KLHL1: variants seen among roughly 807,000 people sequenced by gnomAD.
KLHL1 encodes the protein kelch like family member 1, also known as kelch-like protein 1.
A neutral mutation model predicts 77.7 loss-of-function variants in KLHL1; 47 were observed. That is an observed-to-expected ratio of 0.60 (90% CI 0.48 to 0.77). The LOEUF (loss-of-function observed/expected upper bound fraction) is 0.77. Ranked by LOEUF, KLHL1 falls within the 30% of genes least tolerant of loss-of-function variation. The pLI is 0.00. For missense variants in KLHL1, 925 were observed against 910.8 expected, an observed-to-expected ratio of 1.02 and a Z score of -0.20; for synonymous variants, 360 against 325.2, an observed-to-expected ratio of 1.11 and a Z score of -1.15.
chr13:69,891,890 T>A (rs924604980), intron 4 of KLHL1, among the ~76,000 whole-genome samples: 5 of 151,896 alleles, frequency 3.3e-5, no homozygotes, highest in African/African-American at 1.2e-4. Context: ...TAGAAATAAT[T>A]TATAAATTTT....
At chr13:69,840,425 T>C (rs910803186) in intron 5 of KLHL1, among the ~76,000 whole-genome samples, 3 of 151,978 alleles carry the variant, frequency 2.0e-5, no homozygotes, top group Non-Finnish European at 4.4e-5. Flanking sequence ...AGTTTCACCA[T>C]GTCGGCCAGG....
intron 7 of KLHL1, among the ~76,000 whole-genome samples, chr13:69,781,904 A>G (rs1193100414): frequency 7.7e-6 from 1 of 129,836 alleles, no homozygotes; most frequent in African/African-American, 2.9e-5. Context: ...ATTTTCCCAT[A>G]ATTTAATAGT....
chr13:70,088,135 C>T (rs768016275), intron 1 of KLHL1, among the ~76,000 whole-genome samples: 4 of 152,018 alleles, frequency 2.6e-5, no homozygotes, highest in South Asian at 2.1e-4. Context: ...AAATAATGAG[C>T]GCCACGAACT....
rs71196263 is a variant in KLHL1, at chr13:69,764,929, C to CTTTTTTTTTTTTTTTT, written c.1640-24389_1640-24374dup. ...TCTCATGCTTTCATGTATATCTTTG[C>CTTTTTTTTTTTTTTTT]TTTTTTTTTTTTTTTTTTTTTTTTT... is the stretch of plus-strand genomic sequence containing the variant. On this transcript the variant is annotated intron_variant, in intron 7 of 10. Coordinates refer to ENST00000377844, the MANE Select transcript of KLHL1 (RefSeq NM_020866.3). 4.4e-3 allele frequency among the ~76,000 whole-genome samples: 173 copies of CTTTTTTTTTTTTTTTT among 39,724 alleles called. 67 individuals are homozygous for CTTTTTTTTTTTTTTTT. The highest frequency in any genetic ancestry group is 6.4e-3 in the Admixed American group (14 of 2,172). 26.1% of individuals were successfully genotyped at this position (39,724 alleles called of 152,430 possible).
chr13:70,097,733 G>A (rs563273975), intron 1 of KLHL1, among the ~76,000 whole-genome samples: 2 of 151,950 alleles, frequency 1.3e-5, no homozygotes, highest in African/African-American at 2.4e-5. Context: ...AGGCAAGGTG[G>A]TCTCCTTAAG....
intron 2 of KLHL1, among the ~76,000 whole-genome samples, chr13:69,968,341 T>G (rs1884279374): frequency 6.7e-6 from 1 of 149,202 alleles, no homozygotes; most frequent in Admixed American, 6.7e-5. Flanking sequence ...ATATATTTGC[T>G]AAGAAACAAA....
At chr13:69,743,149 T>C (rs1874055257) in intron 7 of KLHL1, among the ~76,000 whole-genome samples, 1 of 152,186 alleles carries the variant, frequency 6.6e-6, no homozygotes, top group Non-Finnish European at 1.5e-5. Flanking sequence ...GATATCTATC[T>C]GAAAGGACCA....
chr13:70,085,985 G>A (rs539568582), intron 1 of KLHL1, among the ~76,000 whole-genome samples: 7 of 152,194 alleles, frequency 4.6e-5, no homozygotes, highest in African/African-American at 7.2e-5. Context: ...TTTACTTCTC[G>A]TTACGTATGT....
At chr13:69,781,157 A>G (rs1410984408) in intron 7 of KLHL1, among the ~76,000 whole-genome samples, 2 of 151,980 alleles carry the variant, frequency 1.3e-5, no homozygotes, top group African/African-American at 2.4e-5. Flanking sequence ...TATACTGACT[A>G]TGTCTCCCAT....
chr13:70,102,344 T>G (rs145127084), intron 1 of KLHL1, among the ~76,000 whole-genome samples: 67 of 152,320 alleles, frequency 4.4e-4, no homozygotes, highest in Middle Eastern at 3.4e-3. Context: ...ATATTGTTTA[T>G]TAATTATAAA....
rs116411500 is a variant in KLHL1 at position 69,782,181 on chromosome 13, G to A, written c.1639+14557C>T. Among the ~76,000 whole-genome samples, 1,335 of 152,240 alleles carry A rather than the reference G, an allele frequency of 8.8e-3. 10 individuals are homozygous for A. The highest frequency in any genetic ancestry group is 0.031 in the African/African-American group (1,271 of 41,542). ...TTTAAAGAAAATATAGTATTGGCTG[G>A]GGAGTCAAGATGGCCGAACAGGAAC... On this transcript the variant is annotated intron_variant, in intron 7 of 10. Coordinates refer to ENST00000377844, the MANE Select transcript of KLHL1 (RefSeq NM_020866.3).
At chr13:69,914,327 T>C (rs949170713) in intron 4 of KLHL1, among the ~76,000 whole-genome samples, 6 of 152,222 alleles carry the variant, frequency 3.9e-5, no homozygotes, top group African/African-American at 1.4e-4. Context: ...TAAATTATGG[T>C]ATATAACTTA....
chr13:69,730,297 G>T (rs1261057463), intron 8 of KLHL1, among the ~76,000 whole-genome samples: 1 of 143,178 alleles, frequency 7.0e-6, no homozygotes, highest in Non-Finnish European at 1.5e-5. Flanking sequence ...GTGTGTGTGT[G>T]TTTTCATTAC....
chr13:69,814,911 T>TACTCGG (rs899120538), intron 6 of KLHL1, among the ~76,000 whole-genome samples: 30 of 151,980 alleles, frequency 2.0e-4, no homozygotes, highest in African/African-American at 6.8e-4. Flanking sequence ...CTCGGGAGGC[T>TACTCGG]GAGGCAGGAG....
chr13:69,785,618 G>T (rs914311831), intron 7 of KLHL1, among the ~76,000 whole-genome samples: 1 of 146,056 alleles, frequency 6.8e-6, no homozygotes, highest in Non-Finnish European at 1.5e-5. Context: ...AAGAGCAAAC[G>T]CATTCAAAAG....
At chr13:69,830,110 A>G (rs1180660155) in intron 6 of KLHL1, among the ~76,000 whole-genome samples, 1 of 150,220 alleles carries the variant, frequency 6.7e-6, no homozygotes. Context: ...ACATCTCAAT[A>G]TTAACATTGA....
chr13:69,828,499 T>C (rs1292776032), intron 6 of KLHL1, among the ~76,000 whole-genome samples: 1 of 149,992 alleles, frequency 6.7e-6, no homozygotes. Flanking sequence ...AGTTGAACTT[T>C]CTAATAATTT....
At chr13:69,807,410 C>T (rs1452349199) in intron 6 of KLHL1, among the ~76,000 whole-genome samples, 2 of 152,120 alleles carry the variant, frequency 1.3e-5, no homozygotes, top group Admixed American at 6.5e-5. Context: ...ACAATACCCA[C>T]TGCTCTGCCG....
intron 8 of KLHL1, among the ~76,000 whole-genome samples, chr13:69,722,512 A>C (rs1873111295): frequency 6.6e-6 from 1 of 151,938 alleles, no homozygotes. Context: ...AAACTTCCCA[A>C]CAAAGAAAAT....
Sources: gnomAD v4.1 joint callset for allele counts (sites outside exome capture counted in the v4.1 genomes callset) on GRCh38, gnomAD v4.1.1 for gene constraint, MANE v1.5 for transcripts, NCBI Gene and HGNC (gene_info 2026-07-23, HGNC 2026-07-21) for gene names.